The following KCTD16 variants were observed in gnomAD, a reference collection of about 807,000 sequenced individuals.
KCTD16 encodes the protein potassium channel tetramerization domain containing 16.
A neutral mutation model predicts 33.2 loss-of-function variants in KCTD16; 13 were observed. The observed-to-expected ratio is 0.39, with a 90% CI of 0.25 to 0.62. KCTD16 has a LOEUF of 0.62. Ranked by LOEUF, KCTD16 falls within the 20% of genes least tolerant of loss-of-function variation. The pLI, the probability that KCTD16 is intolerant of heterozygous loss-of-function variation, is 0.50. For missense variants in KCTD16, 441 were observed against 525.1 expected (o/e 0.84, Z 1.57); for synonymous variants, 197 against 195.3 (o/e 1.01, Z -0.07).
At chr5:144,189,320 G>A (rs1049325925) in intron 2 of KCTD16, among the ~76,000 whole-genome samples, 1 of 151,884 alleles carries the variant, frequency 6.6e-6, no homozygotes, top group African/African-American at 2.4e-5. Context: ...GTGAAACCCC[G>A]ACTCTACTAA....
At chr5:144,227,504 C>G (rs1753970125) in intron 3 of KCTD16, among the ~76,000 whole-genome samples, 1 of 152,216 alleles carries the variant, frequency 6.6e-6, no homozygotes, top group Admixed American at 6.5e-5. Flanking sequence ...TTGACTCTGA[C>G]TCTGCTGACA....
intron 3 of KCTD16, among the ~76,000 whole-genome samples, chr5:144,321,007 C>T (rs1025662825): frequency 1.3e-5 from 2 of 152,050 alleles, no homozygotes; most frequent in South Asian, 2.1e-4. Context: ...AGGCACATGC[C>T]ACCACACTTG....
intron 3 of KCTD16, among the ~76,000 whole-genome samples, chr5:144,341,342 A>T (rs1263598566): frequency 6.6e-6 from 1 of 152,102 alleles, no homozygotes; most frequent in African/African-American, 2.4e-5. Context: ...TTGGGGAGAA[A>T]CAGTGTTTTC....
At chr5:144,225,979 T>A (rs1753919397) in intron 3 of KCTD16, among the ~76,000 whole-genome samples, 2 of 152,374 alleles carry the variant, frequency 1.3e-5, no homozygotes, top group African/African-American at 4.8e-5. Flanking sequence ...CAATTGCCTT[T>A]CTCAACTCCT....
chr5:144,297,395 TG>T (rs1373012639), intron 3 of KCTD16, among the ~76,000 whole-genome samples: 1 of 152,184 alleles, frequency 6.6e-6, no homozygotes, highest in African/African-American at 2.4e-5. Flanking sequence ...GGTTCAGGGT[TG>T]GTTAAGCAAT....
At chr5:144,316,296 G>T (rs1184092458) in intron 3 of KCTD16, among the ~76,000 whole-genome samples, 1 of 152,108 alleles carries the variant, frequency 6.6e-6, no homozygotes, top group Non-Finnish European at 1.5e-5. Flanking sequence ...GAGCTTGTAG[G>T]TGAATTGGTA....
At chr5:144,373,221 C>T (rs1752008682) in intron 3 of KCTD16, among the ~76,000 whole-genome samples, 1 of 152,116 alleles carries the variant, frequency 6.6e-6, no homozygotes, top group African/African-American at 2.4e-5. Flanking sequence ...ATTTCATGGT[C>T]TCCTGACTCT....
rs1426126083 is a variant in KCTD16, at chr5:144,337,483, G to C, written c.832+129937G>C. 3.3e-5 allele frequency among the ~76,000 whole-genome samples: 5 copies of C among 152,032 alleles called. No homozygotes were observed. In the East Asian group the frequency reaches 9.6e-4, roughly 29 times the overall value. ...TTTCTTAATTTGAAATTTTATGATT[G>C]GTAGGAAGCATAAACATTTTTCCAA... On this transcript the variant is annotated intron_variant, in intron 3 of 3. Transcript: ENST00000512467.
chr5:144,411,865 C>T (rs1752940107), intron 3 of KCTD16, among the ~76,000 whole-genome samples: 1 of 152,078 alleles, frequency 6.6e-6, no homozygotes, highest in African/African-American at 2.4e-5. Flanking sequence ...GGCAAAGGAT[C>T]TGAATAGATG....
At chr5:144,388,878 TAA>T (rs1752390154) in intron 3 of KCTD16, among the ~76,000 whole-genome samples, 1 of 152,180 alleles carries the variant, frequency 6.6e-6, no homozygotes, top group Non-Finnish European at 1.5e-5. Context: ...TTCTGATAGA[TAA>T]ATAGTTAAAA....
At chr5:144,356,320 C>T (rs1041182228) in intron 3 of KCTD16, among the ~76,000 whole-genome samples, 3 of 152,022 alleles carry the variant, frequency 2.0e-5, no homozygotes, top group Admixed American at 6.6e-5. Flanking sequence ...AGTGTGTGTC[C>T]GTGTACATAT....
intron 3 of KCTD16, among the ~76,000 whole-genome samples, chr5:144,353,307 A>G (rs1200986299): frequency 6.6e-6 from 1 of 152,134 alleles, no homozygotes; most frequent in Non-Finnish European, 1.5e-5. Context: ...CATAGACACG[A>G]TTTTCCAGGT....
intron 3 of KCTD16, among the ~76,000 whole-genome samples, chr5:144,325,953 C>T (rs556091750): frequency 3.3e-5 from 5 of 152,140 alleles, no homozygotes; most frequent in Admixed American, 6.5e-5. Context: ...AAATATGTTA[C>T]TATGTATTCC....
At chr5:144,258,822 G>A (rs1054598125) in intron 3 of KCTD16, among the ~76,000 whole-genome samples, 1 of 152,054 alleles carries the variant, frequency 6.6e-6, no homozygotes, top group African/African-American at 2.4e-5. Context: ...TTATAGATGA[G>A]GAAATGGAAA....
At position 144,449,994 on chromosome 5, in the gene KCTD16, A is replaced by T. The variant is rs560778219; in HGVS notation, c.833-23666A>T. ...CTTCTGCATGGCAAAGGAAACGATT[A>T]GCAGAGTGAAAAGGCAACCTAAAAA... On this transcript the variant is annotated intron_variant, in intron 3 of 3. Coordinates refer to ENST00000512467, the MANE Select transcript of KCTD16 (RefSeq NM_020768.4). 5.3e-5 allele frequency among the ~76,000 whole-genome samples: 8 copies of T among 152,202 alleles called. No homozygotes were observed. In the East Asian group the frequency reaches 1.5e-3, roughly 29 times the overall value.
At chr5:144,290,610 A>G (rs1361638698) in intron 3 of KCTD16, among the ~76,000 whole-genome samples, 1 of 152,212 alleles carries the variant, frequency 6.6e-6, no homozygotes, top group African/African-American at 2.4e-5. Context: ...TATCAATAAG[A>G]TCTTTCCTTC....
At chr5:144,456,025 G>A (rs1754052845) in intron 3 of KCTD16, among the ~76,000 whole-genome samples, 1 of 152,052 alleles carries the variant, frequency 6.6e-6, no homozygotes. Context: ...AAATAAAATT[G>A]TACCACACTT....
intron 2 of KCTD16, among the ~76,000 whole-genome samples, chr5:144,178,814 TA>T (rs1441526646): frequency 1.3e-5 from 2 of 152,224 alleles, no homozygotes; most frequent in Non-Finnish European, 2.9e-5. Context: ...CTAAATATTA[TA>T]ATACACTACA....
At chr5:144,229,057 T>A (rs1437716087) in intron 3 of KCTD16, among the ~76,000 whole-genome samples, 1 of 152,160 alleles carries the variant, frequency 6.6e-6, no homozygotes, top group Non-Finnish European at 1.5e-5. Flanking sequence ...CAAATGGCCA[T>A]GAATGTGAAG....
Sources: allele counts gnomAD v4.1 joint callset (sites outside exome capture counted in the v4.1 genomes callset), GRCh38; gene constraint gnomAD v4.1.1; transcripts MANE v1.5; gene names NCBI Gene and HGNC (gene_info 2026-07-23, HGNC 2026-07-21).